NFIB: variants seen among roughly 807,000 people sequenced by gnomAD.
The protein encoded by NFIB is nuclear factor I B, also known as nuclear factor 1 B-type.
NFIB carries 11 observed loss-of-function variants against 61.5 expected under a neutral mutation model. The ratio of observed to expected loss-of-function variants is 0.18; its 90% CI spans 0.11 to 0.30. The LOEUF (loss-of-function observed/expected upper bound fraction) is 0.30. Among genes scored for constraint, NFIB ranks in the 10% least tolerant of loss-of-function variants. The pLI is 1.00. For synonymous variants in NFIB, 260 were observed against 216.5 expected, an observed-to-expected ratio of 1.20 and a Z score of -1.76; for missense variants, 471 against 608.9, an observed-to-expected ratio of 0.77 and a Z score of 2.38.
chr9:14,426,726 T>C, the NFIB span, among the ~76,000 whole-genome samples: 135 of 152,198 alleles, frequency 8.9e-4, no homozygotes, highest in African/African-American at 3.1e-3. Context: ...CATTCAGAAA[T>C]AAATCCATTT....
intron 6 of NFIB, among the ~76,000 whole-genome samples, chr9:14,127,507 A>AT: frequency 6.6e-6 from 1 of 152,300 alleles, no homozygotes; most frequent in East Asian, 1.9e-4. Context: ...CAAATCCCAG[A>AT]TATCATATAA....
intron 2 of NFIB, among the ~76,000 whole-genome samples, chr9:14,257,057 T>C (rs558414674): frequency 5.3e-5 from 8 of 152,330 alleles, no homozygotes; most frequent in Middle Eastern, 3.4e-3. Context: ...TTAGGCAGTA[T>C]TGCCTAAAGG....
chr9:14,096,662 G>A (rs962842889), intron 10 of NFIB: 7 of 152,152 alleles, frequency 4.6e-5, no homozygotes, highest in Non-Finnish European at 1.0e-4. Context: ...CATCATGTCT[G>A]GTTTCTCCTG....
At chr9:14,172,542 G>C (rs1037302775) in intron 3 of NFIB, among the ~76,000 whole-genome samples, 1 of 152,174 alleles carries the variant, frequency 6.6e-6, no homozygotes, top group African/African-American at 2.4e-5. Context: ...CTTTTCTCAT[G>C]TCAATACTGA....
intron 1 of NFIB, among the ~76,000 whole-genome samples, chr9:14,382,911 T>C (rs947081808): frequency 6.6e-6 from 1 of 152,094 alleles, no homozygotes; most frequent in Non-Finnish European, 1.5e-5. Flanking sequence ...ACCATCCTGG[T>C]GATACTAGAT....
At chr9:14,185,863 G>C (rs1321251790) in intron 2 of NFIB, among the ~76,000 whole-genome samples, 1 of 152,048 alleles carries the variant, frequency 6.6e-6, no homozygotes, top group Non-Finnish European at 1.5e-5. Flanking sequence ...AACAAGATAG[G>C]GTGGATAAGA....
intron 6 of NFIB, among the ~76,000 whole-genome samples, chr9:14,126,760 A>T (rs2039705625): frequency 6.6e-6 from 1 of 152,224 alleles, no homozygotes; most frequent in African/African-American, 2.4e-5. Context: ...ACAGTTTAAA[A>T]CAATTCCCCC....
the NFIB span, among the ~76,000 whole-genome samples, chr9:14,503,934 C>A: frequency 2.0e-5 from 3 of 152,150 alleles, no homozygotes; most frequent in Non-Finnish European, 4.4e-5. Flanking sequence ...ATGTTCTCTT[C>A]TAGAATTTTT....
intron 1 of NFIB, among the ~76,000 whole-genome samples, chr9:14,375,125 C>A (rs1037482628): frequency 6.6e-6 from 1 of 152,246 alleles, no homozygotes; most frequent in South Asian, 2.1e-4. Context: ...TCTTAAACAT[C>A]CAAGACTTAT....
At chr9:14,149,154 T>G (rs148256000) in intron 5 of NFIB, among the ~76,000 whole-genome samples, 1 of 152,304 alleles carries the variant, frequency 6.6e-6, no homozygotes, top group East Asian at 1.9e-4. Flanking sequence ...ATTTTAATAA[T>G]AAACCAAATT....
chr9:14,157,374 C>G (rs555109179), intron 3 of NFIB, among the ~76,000 whole-genome samples: 1 of 152,240 alleles, frequency 6.6e-6, no homozygotes, highest in Admixed American at 6.5e-5. Context: ...CTGCTGTGAA[C>G]TGAGGAGCCA....
At chr9:14,441,228 G>A in the NFIB span, among the ~76,000 whole-genome samples, 1 of 150,632 alleles carries the variant, frequency 6.6e-6, no homozygotes, top group Admixed American at 6.6e-5. Flanking sequence ...TCATTAGCAA[G>A]CTAAATAGCT....
At chr9:14,290,179 G>C (rs2058995708) in intron 2 of NFIB, among the ~76,000 whole-genome samples, 1 of 152,026 alleles carries the variant, frequency 6.6e-6, no homozygotes, top group Non-Finnish European at 1.5e-5. Context: ...ATTGAAACAG[G>C]CATTGTGATT....
chr9:14,146,243 G>C (rs2042264970), intron 6 of NFIB, among the ~76,000 whole-genome samples: 1 of 152,042 alleles, frequency 6.6e-6, no homozygotes, highest in Non-Finnish European at 1.5e-5. Context: ...TATTGTATAT[G>C]GTCTACCTAC....
chr9:14,475,278 C>A, the NFIB span, among the ~76,000 whole-genome samples: 1 of 151,996 alleles, frequency 6.6e-6, no homozygotes, highest in African/African-American at 2.4e-5. Flanking sequence ...AGATTTGCAC[C>A]TGGGGAGCAT....
intron 2 of NFIB, among the ~76,000 whole-genome samples, chr9:14,224,337 A>C (rs983797909): frequency 6.6e-6 from 1 of 152,200 alleles, no homozygotes; most frequent in Non-Finnish European, 1.5e-5. Context: ...TGATCTTATC[A>C]CTAAAACATA....
intron 10 of NFIB, 88 bp downstream of exon 10, chr9:14,112,911 C>G: frequency 7.7e-7 from 1 of 1,294,470 alleles, no homozygotes; most frequent in Non-Finnish European, 1.1e-6. Context: ...CGGGAGCCCC[C>G]TTCTGAGTCC....
chr9:14,379,045 C>G (rs2061453168), intron 1 of NFIB, among the ~76,000 whole-genome samples: 1 of 152,228 alleles, frequency 6.6e-6, no homozygotes, highest in Non-Finnish European at 1.5e-5. Context: ...GCAGAGTTCA[C>G]AGGTATTCAC....
chr9:14,393,987 A>G (rs181515720), intron 1 of NFIB, among the ~76,000 whole-genome samples: 141 of 152,324 alleles, frequency 9.3e-4, no homozygotes, highest in African/African-American at 3.4e-3. Flanking sequence ...AATCAGACAA[A>G]TAGGTAAAAT....
Sources: allele counts gnomAD v4.1 joint callset (sites outside exome capture counted in the v4.1 genomes callset), GRCh38; gene constraint gnomAD v4.1.1; transcripts MANE v1.5; gene names NCBI Gene and HGNC (gene_info 2026-07-23, HGNC 2026-07-21).